DAB2IP: variants seen among roughly 807,000 people sequenced by gnomAD.
The protein encoded by DAB2IP is disabled homolog 2-interacting protein.
Under a neutral mutation model 107.2 loss-of-function variants are expected in DAB2IP, and 28 were observed. The observed-to-expected ratio is 0.26, with a 90% CI of 0.19 to 0.36. DAB2IP has a LOEUF of 0.36. Among genes scored for constraint, DAB2IP ranks in the 10% least tolerant of loss-of-function variants. The pLI, the probability that DAB2IP is intolerant of heterozygous loss-of-function variation, is 1.00. For missense variants in DAB2IP, 1,400 were observed against 1,644.7 expected (o/e 0.85, Z 2.57); for synonymous variants, 755 against 706.4 (o/e 1.07, Z -1.09).
chr9:121,742,340 A>C (rs1832410335), intron 3 of DAB2IP, among the ~76,000 whole-genome samples: 1 of 152,216 alleles, frequency 6.6e-6, no homozygotes, highest in African/African-American at 2.4e-5. Flanking sequence ...GAGGCAAGAC[A>C]ATCACTTGAA....
chr9:121,694,501 C>T (rs1004614541), intron 2 of DAB2IP, among the ~76,000 whole-genome samples: 1 of 152,072 alleles, frequency 6.6e-6, no homozygotes, highest in African/African-American at 2.4e-5. Flanking sequence ...ATGAAGAAAT[C>T]ACGTGTCTTG....
intron 14 of DAB2IP, among the ~76,000 whole-genome samples, chr9:121,780,863 G>T (rs1369184165): frequency 6.6e-6 from 1 of 152,150 alleles, no homozygotes; most frequent in Non-Finnish European, 1.5e-5. Context: ...TCCTTCAGAT[G>T]TCTCCTACTG....
At chr9:121,726,262 C>A (rs1831232327) in intron 3 of DAB2IP, among the ~76,000 whole-genome samples, 2 of 152,204 alleles carry the variant, frequency 1.3e-5, no homozygotes, top group Non-Finnish European at 2.9e-5. Flanking sequence ...AAGGACAAAG[C>A]TTGGGGAGCT....
At chr9:121,773,014 A>G (rs762378920) in exon 12 of DAB2IP, 2 of 1,611,994 alleles carry the variant, frequency 1.2e-6, no homozygotes, top group South Asian at 2.2e-5. Context: ...CTCTCCTTCC[A>G]GAACCCTGTG....
At chr9:121,674,549 G>A (rs1292826199) in intron 1 of DAB2IP, among the ~76,000 whole-genome samples, 1 of 152,130 alleles carries the variant, frequency 6.6e-6, no homozygotes, top group African/African-American at 2.4e-5. Context: ...CAGGTGGAGG[G>A]GTGTAGCCAG....
At chr9:121,654,542 C>T (rs1239426499) in intron 1 of DAB2IP, among the ~76,000 whole-genome samples, 1 of 152,084 alleles carries the variant, frequency 6.6e-6, no homozygotes, top group Non-Finnish European at 1.5e-5. Flanking sequence ...GCACCCTGTC[C>T]TCCTCCTCCT....
At chr9:121,606,316 A>T (rs1589398475) in intron 1 of DAB2IP, among the ~76,000 whole-genome samples, 1 of 152,192 alleles carries the variant, frequency 6.6e-6, no homozygotes. Context: ...GTGACCTGAG[A>T]TGGCACCACT....
intron 1 of DAB2IP, among the ~76,000 whole-genome samples, chr9:121,583,460 C>T (rs977476673): frequency 1.3e-5 from 2 of 152,080 alleles, no homozygotes; most frequent in African/African-American, 2.4e-5. Flanking sequence ...GGGGAGGAGC[C>T]GGCTCTTCTG....
rs1442851330 is a variant in DAB2IP at position 121,760,695 on chromosome 9, GT to G, written c.1170+258del. ...GCTGGTAGTGAGGGAGTGGGCTTGG[GT>G]TGAGGTGCCTTCCACCACTGCTGCA... On this transcript the variant is annotated intron_variant, in intron 6 of 15. Coordinates refer to ENST00000408936, the Ensembl canonical transcript of DAB2IP. This position sits in a 1 kb window ranked among gnomAD's most constrained non-coding sequence, Gnocchi z 5.9. Among the ~76,000 whole-genome samples the G allele has an allele frequency of 1.2e-4, 19 of 152,262 alleles. No homozygotes were observed. In the East Asian group the frequency reaches 3.3e-3, roughly 26 times the overall value.
At chr9:121,705,578 T>C (rs1830019801) in intron 3 of DAB2IP, among the ~76,000 whole-genome samples, 1 of 152,264 alleles carries the variant, frequency 6.6e-6, no homozygotes, top group East Asian at 1.9e-4. Context: ...CCCATGTGTA[T>C]AGTGTGTTCT....
At chr9:121,567,705 C>T (rs1829841328) in intron 1 of DAB2IP, among the ~76,000 whole-genome samples, 3 of 152,182 alleles carry the variant, frequency 2.0e-5, no homozygotes, top group Admixed American at 6.5e-5. Flanking sequence ...GCCCCAGTGG[C>T]TGCCACCGGA....
chr9:121,627,297 A>G (rs1056167798), intron 1 of DAB2IP, among the ~76,000 whole-genome samples: 2 of 151,948 alleles, frequency 1.3e-5, no homozygotes, highest in Non-Finnish European at 2.9e-5. Flanking sequence ...ACGGTCACAC[A>G]GGATTCCATT....
At chr9:121,590,214 T>C (rs1830398106) in intron 1 of DAB2IP, among the ~76,000 whole-genome samples, 1 of 150,612 alleles carries the variant, frequency 6.6e-6, no homozygotes, top group African/African-American at 2.4e-5. Flanking sequence ...GCATTTCCAC[T>C]ACTTATGCTC....
chr9:121,763,104 C>A (rs1404176674), intron 6 of DAB2IP, among the ~76,000 whole-genome samples: 6 of 152,242 alleles, frequency 3.9e-5, no homozygotes, highest in African/African-American at 9.6e-5. Flanking sequence ...GACAGGGCAG[C>A]CTCATTTGTC....
chr9:121,773,559 A>G (rs1351970706), intron 12 of DAB2IP, 64 bp downstream of exon 12: 7 of 1,373,642 alleles, frequency 5.1e-6, no homozygotes, highest in Non-Finnish European at 9.4e-7. Flanking sequence ...GTCATACCCC[A>G]TACCATGCTC....
At chr9:121,643,491 C>A (rs1266255255) in intron 1 of DAB2IP, among the ~76,000 whole-genome samples, 10 of 152,028 alleles carry the variant, frequency 6.6e-5, no homozygotes, top group Non-Finnish European at 1.2e-4. Flanking sequence ...CCTCACATAG[C>A]CTGCTCCCCA....
intron 1 of DAB2IP, among the ~76,000 whole-genome samples, chr9:121,589,644 T>C (rs991675479): frequency 1.3e-5 from 2 of 152,128 alleles, no homozygotes; most frequent in Non-Finnish European, 2.9e-5. Flanking sequence ...CCCCTGCATC[T>C]GTGTCTCCAG....
intron 3 of DAB2IP, among the ~76,000 whole-genome samples, chr9:121,730,329 G>A (rs1360422285): frequency 2.6e-5 from 4 of 152,160 alleles, no homozygotes; most frequent in Non-Finnish European, 4.4e-5. Flanking sequence ...TTGGGTCAAC[G>A]GCTATATTTG....
At chr9:121,680,066 T>C (rs1828503022) in intron 2 of DAB2IP, among the ~76,000 whole-genome samples, 1 of 152,204 alleles carries the variant, frequency 6.6e-6, no homozygotes, top group Admixed American at 6.5e-5. Flanking sequence ...ATACTTAGTG[T>C]CAGCATGAGA....
Sources: allele counts gnomAD v4.1 joint callset (sites outside exome capture counted in the v4.1 genomes callset), GRCh38; gene constraint gnomAD v4.1.1; non-coding constraint Gnocchi (gnomAD v3.1); transcripts MANE v1.5; gene names NCBI Gene and HGNC (gene_info 2026-07-23, HGNC 2026-07-21).